The following FGFR2 variants were observed in gnomAD, a reference collection of about 807,000 sequenced individuals.
FGFR2 encodes the protein fibroblast growth factor receptor 2, also known as BEK fibroblast growth factor receptor.
Under a neutral mutation model 95.9 loss-of-function variants are expected in FGFR2, and 19 were observed. The ratio of observed to expected loss-of-function variants is 0.20; its 90% CI spans 0.14 to 0.29. The LOEUF is 0.29. Ranked by LOEUF, FGFR2 falls within the 10% of genes least tolerant of loss-of-function variation. The probability of loss-of-function intolerance (pLI) is 1.00; values close to 1 mark genes in which losing one functional copy is unlikely to be tolerated. For missense variants in FGFR2, 707 were observed against 1,056.9 expected, an observed-to-expected ratio of 0.67 and a Z score of 4.59; for synonymous variants, 392 against 393.3, an observed-to-expected ratio of 1.00 and a Z score of 0.04.
chr10:121,571,958 A>T (rs1858849112), intron 2 of FGFR2, among the ~76,000 whole-genome samples: 1 of 151,562 alleles, frequency 6.6e-6, no homozygotes, highest in South Asian at 2.1e-4. Context: ...AAAAAATAAA[A>T]AAAAAAATTG....
intron 2 of FGFR2, among the ~76,000 whole-genome samples, chr10:121,590,985 T>A (rs1404770062): frequency 6.7e-6 from 1 of 149,738 alleles, no homozygotes; most frequent in Admixed American, 6.7e-5. Context: ...GCACGCGCAC[T>A]CGCGCACACA....
At chr10:121,589,231 C>T (rs1244951788) in intron 2 of FGFR2, among the ~76,000 whole-genome samples, 1 of 152,102 alleles carries the variant, frequency 6.6e-6, no homozygotes, top group Non-Finnish European at 1.5e-5. Context: ...TAAGGGTAAG[C>T]TAGATTAGAG....
At chr10:121,497,319 T>C (rs1847004074) in intron 12 of FGFR2, among the ~76,000 whole-genome samples, 1 of 152,162 alleles carries the variant, frequency 6.6e-6, no homozygotes, top group African/African-American at 2.4e-5. Flanking sequence ...TGCGCCCTCT[T>C]GGAAAGCAAT....
In FGFR2 at chr10:121,518,970, A is replaced by C; in HGVS notation, c.939+1009T>G. ...CATTAAAGGGCTGCGGATTTTAAAG[A>C]ACAAAATCAGTCCAGTGGTGGACAA... On this transcript the variant is annotated intron_variant, in intron 7 of 17. Transcript: ENST00000358487. This position sits in a 1 kb window ranked among gnomAD's most constrained non-coding sequence, Gnocchi z 4.0. 9.7e-7 allele frequency: 1 copy of C among 1,028,986 alleles called. No individual in the cohort carries two copies. Among genetic ancestry groups the C allele is most frequent in the East Asian group, 2.5e-5 (1 of 39,308 alleles). 63.7% of individuals were successfully genotyped at this position (1,028,986 alleles called of 1,614,324 possible).
At chr10:121,572,158 GA>G (rs71022844) in intron 2 of FGFR2, among the ~76,000 whole-genome samples, 90,707 of 105,670 alleles carry the variant, frequency 0.86, 39,086 homozygotes, top group Middle Eastern at 0.93. Context: ...CACAAAAAAT[GA>G]AAAAAAAAAA....
At chr10:121,577,178 TAGAGAGAG>T (rs1169688456) in intron 2 of FGFR2, among the ~76,000 whole-genome samples, 10 of 5,216 alleles carry the variant, frequency 1.9e-3, no homozygotes, top group Admixed American at 4.8e-3. Context: ...TATATATATA[TAGAGAGAG>T]AGAGAGAGAG....
chr10:121,582,929 G>T, intron 2 of FGFR2, among the ~76,000 whole-genome samples: 1 of 152,232 alleles, frequency 6.6e-6, no homozygotes, highest in Middle Eastern at 3.4e-3. Flanking sequence ...AACCAGCCTC[G>T]ATTCACCTAC....
At chr10:121,558,507 C>A (rs1279077342) in intron 4 of FGFR2, among the ~76,000 whole-genome samples, 1 of 152,132 alleles carries the variant, frequency 6.6e-6, no homozygotes, top group Non-Finnish European at 1.5e-5. Context: ...GAATGCCCTG[C>A]ACATCTGTGA....
intron 1 of FGFR2, among the ~76,000 whole-genome samples, chr10:121,596,123 C>T (rs964318132): frequency 1.3e-5 from 2 of 152,240 alleles, no homozygotes; most frequent in African/African-American, 4.8e-5. Flanking sequence ...GGAGTCTGAG[C>T]CCCAGTGAAA....
chr10:121,532,243 C>T (rs1262238928), intron 6 of FGFR2, among the ~76,000 whole-genome samples: 1 of 152,142 alleles, frequency 6.6e-6, no homozygotes, highest in Non-Finnish European at 1.5e-5. Flanking sequence ...AGACCTTGTG[C>T]CAGGAACAGG....
chr10:121,503,937 G>A lies in FGFR2; in HGVS notation c.1292C>T (p.Ser431Leu), dbSNP rs1483629749. Residue 431 changes from serine to leucine, a missense_variant, in exon 10 of 18, where the codon TCG becomes TTG. Physicochemically the swap from Ser to Leu is moderately radical, Grantham distance 145. Transcript: ENST00000358487. Reference sequence around the variant, plus strand: ...GTTCATGGAGGAGCTGGACTCAGCCGAAACCTGGATACAAAATGCAAAGAC... The same window carrying A: ...GTTCATGGAGGAGCTGGACTCAGCCAAAACCTGGATACAAAATGCAAAGAC... ...RIPLRRQVTV[S>L]AESSSSMNSN... 1.2e-6 allele frequency: 2 copies of A among 1,613,996 alleles called. No homozygotes were observed. The highest frequency in any genetic ancestry group is 2.7e-5 in the African/African-American group (2 of 75,012).
chr10:121,560,606 C>T (rs145655859), intron 4 of FGFR2, among the ~76,000 whole-genome samples: 2 of 119,746 alleles, frequency 1.7e-5, no homozygotes, highest in African/African-American at 6.6e-5. Context: ...CAGAGCAAGA[C>T]TCCGTCCCCA....
intron 5 of FGFR2, 150 bp from the exon 6 acceptor site, chr10:121,538,865 C>A (rs957117794): frequency 4.0e-6 from 4 of 1,004,382 alleles, no homozygotes; most frequent in East Asian, 2.6e-5. Flanking sequence ...CATTAAGAAT[C>A]GTGAGAAATG....
intron 5 of FGFR2, among the ~76,000 whole-genome samples, chr10:121,543,343 C>T (rs1024668184): frequency 1.3e-5 from 2 of 152,138 alleles, no homozygotes; most frequent in Admixed American, 6.5e-5. Context: ...AACTCTGTCT[C>T]TACTAAAAAT....
In FGFR2 at chr10:121,563,387, T is replaced by C. The variant is rs890858174; in HGVS notation, c.454+1115A>G. The stretch of plus-strand genomic sequence containing the variant: ...AGACTGCATCTCGGGAAAAAATATA[T>C]ATATATACATAAATTAGCCGGGTGT... On this transcript the variant is annotated intron_variant, in intron 4 of 17. Coordinates refer to ENST00000358487, the MANE Select transcript of FGFR2 (RefSeq NM_000141.5). 3.3e-5 allele frequency among the ~76,000 whole-genome samples: 5 copies of C among 152,040 alleles called. No individual in the cohort carries two copies. In the South Asian group the frequency reaches 1.0e-3, roughly 32 times the overall value.
intron 13 of FGFR2, among the ~76,000 whole-genome samples, chr10:121,488,540 C>CAAAAAAAA (rs60596436): frequency 9.7e-6 from 1 of 103,088 alleles, no homozygotes; most frequent in Non-Finnish European, 2.0e-5. Flanking sequence ...GACTCTGTCT[C>CAAAAAAAA]AAAAAAAAAA....
intron 2 of FGFR2, among the ~76,000 whole-genome samples, chr10:121,583,999 AC>A (rs1861372749): frequency 6.6e-6 from 1 of 152,022 alleles, no homozygotes; most frequent in Non-Finnish European, 1.5e-5. Flanking sequence ...CATGACAGGC[AC>A]TCAATAAATG....
chr10:121,514,661 G>C (rs1849454679), intron 9 of FGFR2, among the ~76,000 whole-genome samples: 1 of 152,192 alleles, frequency 6.6e-6, no homozygotes, highest in African/African-American at 2.4e-5. Flanking sequence ...ATAAGATACT[G>C]ATCTTGACTT....
chr10:121,483,940 G>T (rs1198357240), intron 16 of FGFR2, 137 bp from the exon 17 acceptor site: 4 of 679,950 alleles, frequency 5.9e-6, no homozygotes, highest in South Asian at 1.7e-5. Flanking sequence ...AGATTAGGGG[G>T]TCATGAATCA....
Sources: gnomAD v4.1 joint callset for allele counts (sites outside exome capture counted in the v4.1 genomes callset) on GRCh38, gnomAD v4.1.1 for gene constraint, Gnocchi (gnomAD v3.1) non-coding constraint, MANE v1.5 for transcripts, NCBI Gene and HGNC (gene_info 2026-07-23, HGNC 2026-07-21) for gene names.